The following TMEM9B variants were observed in gnomAD, a reference collection of about 807,000 sequenced individuals.
TMEM9B encodes transmembrane protein 9B.
A neutral mutation model predicts 23.5 loss-of-function variants in TMEM9B; 8 were observed. The ratio of observed to expected loss-of-function variants is 0.34; its 90% CI spans 0.20 to 0.61. The LOEUF (loss-of-function observed/expected upper bound fraction) is 0.61. Among genes scored for constraint, TMEM9B ranks in the 20% least tolerant of loss-of-function variants. TMEM9B has a pLI of 0.78. For missense variants in TMEM9B, 197 were observed against 252.3 expected, an observed-to-expected ratio of 0.78 and a Z score of 1.49; for synonymous variants, 106 against 96.3, an observed-to-expected ratio of 1.10 and a Z score of -0.59.
intron 3 of TMEM9B, among the ~76,000 whole-genome samples, chr11:8,955,778 G>A (rs989612897): frequency 6.6e-6 from 1 of 152,210 alleles, no homozygotes; most frequent in Non-Finnish European, 1.5e-5. Context: ...TGTGGCCTGG[G>A]GGCTGGGGAC....
rs149892996 is a variant in TMEM9B at position 8,952,743 on chromosome 11, G to A, written c.441+460C>T. On this transcript the variant is annotated intron_variant, in intron 4 of 4. Transcript: ENST00000534025. ...TTTTTTTTAAGCAGTAGAAAAAAAG[G>A]AAATATAAAACATCAGCAGGTTATC... 8.7e-3 allele frequency: 1,712 copies of A among 197,048 alleles called. 8 individuals are homozygous for A. The highest frequency in any genetic ancestry group is 0.029 in the Middle Eastern group (13 of 446). The allele number at this position is 197,048 out of a possible 1,614,324, so 12.2% of individuals were successfully genotyped here.
intron 3 of TMEM9B, among the ~76,000 whole-genome samples, chr11:8,955,198 G>C (rs1853952339): frequency 6.7e-6 from 1 of 149,870 alleles, no homozygotes; most frequent in Admixed American, 6.7e-5. Context: ...CTATAATAAA[G>C]TAACTGAACT....
rs1589950672 is a variant in TMEM9B, at chr11:8,964,391, T to C, written c.-78A>G. On this transcript the variant is annotated 5_prime_UTR_variant, in exon 1 of 5. Coordinates refer to ENST00000534025, the MANE Select transcript of TMEM9B (RefSeq NM_020644.3). ...CTCGGGCTCAGGCTCAGGCTCAGGC[T>C]CAGGCACAGGCTTGGGACCCGGCTG... 2.6e-6 allele frequency: 4 copies of C among 1,516,412 alleles called. No individual in the cohort carries two copies. The highest frequency in any genetic ancestry group is 3.5e-6 in the Non-Finnish European group (4 of 1,134,842). The allele number at this position is 1,516,412 out of a possible 1,614,324, so 93.9% of individuals were successfully genotyped here.
rs887704585 is a variant in TMEM9B at position 8,957,052 on chromosome 11, A to G, written c.198-754T>C. Among the ~76,000 whole-genome samples, 11 of 152,222 alleles carry G rather than the reference A, an allele frequency of 7.2e-5. No individual in the cohort carries two copies. Among genetic ancestry groups the G allele is most frequent in the African/African-American group, 2.7e-4 (11 of 41,454 alleles). ...TTCTTAACTGCCAGTGTGGTGTATG[A>G]ATGACTAACCACGTTTAACAGCGTG... On this transcript the variant is annotated intron_variant, in intron 2 of 4. Transcript: ENST00000534025. The surrounding 1 kb of genome is among the most constrained non-coding windows in gnomAD (Gnocchi z 4.3).
chr11:8,961,675 T>C (rs1335570812), intron 2 of TMEM9B, among the ~76,000 whole-genome samples: 1 of 152,240 alleles, frequency 6.6e-6, no homozygotes, highest in East Asian at 1.9e-4. Flanking sequence ...CTTTTAAACA[T>C]AGCTTCCCAT....
chr11:8,949,228 G>A (rs1202976903), intron 4 of TMEM9B, among the ~76,000 whole-genome samples: 1 of 152,210 alleles, frequency 6.6e-6, no homozygotes, highest in Non-Finnish European at 1.5e-5. Flanking sequence ...AGAGGCTATT[G>A]AAGGGTTGCC....
rs762593588 is a variant in TMEM9B, at chr11:8,962,132, A to T, written c.157T>A (p.Ser53Thr). Residue 53 changes from serine to threonine, a missense_variant, in exon 2 of 5, where the codon TCT becomes ACT. This residue lies in a region of TMEM9B where 141 missense variants were observed against 214.1 expected (regional missense o/e 0.66). Transcript: ENST00000534025. ...KCICPPYKEN[S>T]GHIYNKNISQ... Reference sequence around the variant, plus strand: ...ATGTTCTTATTATAAATATGCCCAGAATTTTCTTTATAGGGAGGGCAGATA... The same window carrying T: ...ATGTTCTTATTATAAATATGCCCAGTATTTTCTTTATAGGGAGGGCAGATA... 1 of 1,602,168 alleles carries T rather than the reference A, an allele frequency of 6.2e-7. No individual in the cohort carries two copies. Among genetic ancestry groups the T allele is most frequent in the Non-Finnish European group, 8.5e-7 (1 of 1,176,204 alleles).
upstream of TMEM9B, chr11:8,964,456 T>A: frequency 1.4e-6 from 2 of 1,421,278 alleles, no homozygotes; most frequent in Non-Finnish European, 1.8e-6. Context: ...CGCGAAGGCG[T>A]CACCGGGCGC....
At chr11:8,956,436 A>C (rs1853975689) in intron 2 of TMEM9B, 138 bp from the exon 3 acceptor site, 1 of 628,144 alleles carries the variant, frequency 1.6e-6, no homozygotes, top group South Asian at 2.3e-5. Flanking sequence ...CAATAAGATA[A>C]AGTAAAATAA....
Position 8,962,126 on chromosome 11 carries a change from G to C in TMEM9B, c.163C>G (p.His55Asp). The C allele has an allele frequency of 6.3e-7, 1 of 1,598,910 alleles. No homozygotes were observed. Among genetic ancestry groups the C allele is most frequent in the Non-Finnish European group, 8.5e-7 (1 of 1,174,804 alleles). The change falls in exon 2 of 5, where the codon CAT becomes GAT. Residue 55 changes from histidine to aspartate, a missense_variant. By Grantham distance (81) the His-to-Asp change is moderately conservative (BLOSUM62 -1). This residue lies in a region of TMEM9B where 141 missense variants were observed against 214.1 expected (regional missense o/e 0.66). Coordinates refer to ENST00000534025, the MANE Select transcript of TMEM9B (RefSeq NM_020644.3). ...ICPPYKENSG[H>D]IYNKNISQKD... ...TGAGATATGTTCTTATTATAAATAT[G>C]CCCAGAATTTTCTTTATAGGGAGGG...
intron 4 of TMEM9B, 96 bp downstream of exon 4, chr11:8,953,107 A>G: frequency 1.4e-6 from 2 of 1,471,028 alleles, no homozygotes; most frequent in Non-Finnish European, 9.5e-7. Flanking sequence ...CTGCTTCAGC[A>G]CGTGAACATC....
chr11:8,958,720 C>T (rs961833513), intron 2 of TMEM9B, among the ~76,000 whole-genome samples: 10 of 151,212 alleles, frequency 6.6e-5, no homozygotes, highest in African/African-American at 1.7e-4. Context: ...TACAGGCATG[C>T]GCTACCATGC....
chr11:8,953,145 T>G lies in TMEM9B; in HGVS notation c.441+58A>C, dbSNP rs753810976. The G allele has an allele frequency of 8.1e-6, 13 of 1,611,172 alleles. No homozygotes were observed. The African/African-American group carries it at 1.6e-4, about 20-fold the overall frequency. ...TATATGACTATTTTTCACTTGCACT[T>G]CACATCGAATGATGACAGGGACTGG... On this transcript the variant is annotated intron_variant, in intron 4 of 4. Transcript: ENST00000534025.
At chr11:8,960,250 C>G (rs188439749) in intron 2 of TMEM9B, among the ~76,000 whole-genome samples, 20 of 146,576 alleles carry the variant, frequency 1.4e-4, no homozygotes, top group Non-Finnish European at 2.5e-4. Flanking sequence ...TCAAGCGATT[C>G]TCTACCTTAG....
chr11:8,964,259 A>G lies in TMEM9B; in HGVS notation c.55T>C (p.Cys19Arg). The change falls in exon 1 of 5, where the codon TGC becomes CGC. Residue 19 changes from cysteine (C) to arginine (R), a missense_variant. Physicochemically the swap from Cys to Arg is radical, Grantham distance 180 (BLOSUM62 -3). Transcript: ENST00000534025. ...LRLGSLLSLS[C>R]LALSVLLLAQ... Reference sequence around the variant, plus strand: ...AGCAGCAGCACGGAAAGCGCCAGGCACGACAGGCTGAGCAAGGAGCCAAGC... The same window carrying G: ...AGCAGCAGCACGGAAAGCGCCAGGCGCGACAGGCTGAGCAAGGAGCCAAGC... The G allele has an allele frequency of 1.3e-6, 2 of 1,597,406 alleles. No homozygotes were observed. The highest frequency in any genetic ancestry group is 1.7e-5 in the Admixed American group (1 of 57,850).
Position 8,964,329 on chromosome 11 carries a change from G to C in TMEM9B, c.-16C>G. 6.4e-7 allele frequency: 1 copy of C among 1,554,954 alleles called. No individual in the cohort carries two copies. Among genetic ancestry groups the C allele is most frequent in the South Asian group, 1.2e-5 (1 of 83,958 alleles). ...GGGTCGCCATCGCTGGGGGCCCAGC[G>C]GTCCCACAGCCCGGAGCCCCCGCGA... On this transcript the variant is annotated 5_prime_UTR_variant, in exon 1 of 5. Transcript: ENST00000534025.
At chr11:8,960,980 C>T (rs1031878276) in intron 2 of TMEM9B, among the ~76,000 whole-genome samples, 3 of 152,104 alleles carry the variant, frequency 2.0e-5, no homozygotes, top group Admixed American at 6.5e-5. Flanking sequence ...CCACCGTGCC[C>T]GGCCTGAACA....
At chr11:8,950,792 AC>A (rs1215857680) in intron 4 of TMEM9B, among the ~76,000 whole-genome samples, 1 of 152,170 alleles carries the variant, frequency 6.6e-6, no homozygotes, top group African/African-American at 2.4e-5. Flanking sequence ...AACTATTTGT[AC>A]TCACTTTTAT....
At chr11:8,951,737 A>G (rs771335950) in intron 4 of TMEM9B, among the ~76,000 whole-genome samples, 159 of 151,152 alleles carry the variant, frequency 1.1e-3, no homozygotes, top group Admixed American at 1.8e-3. Flanking sequence ...CAGCCGGGGC[A>G]ACAGAGCGAG....
Sources: gnomAD v4.1 joint callset for allele counts (sites outside exome capture counted in the v4.1 genomes callset) on GRCh38, gnomAD v4.1.1 for gene constraint, gnomAD v4.1.1 regional missense constraint, Gnocchi (gnomAD v3.1) non-coding constraint, MANE v1.5 for transcripts, NCBI Gene and HGNC (gene_info 2026-07-23, HGNC 2026-07-21) for gene names.